The following BDKRB2 variants were observed in gnomAD, a reference collection of about 807,000 sequenced individuals.
BDKRB2 encodes the protein bradykinin receptor B2.
In BDKRB2, 6 loss-of-function variants were observed where a neutral mutation model predicts 4.0. The ratio of observed to expected loss-of-function variants is 1.49; its 90% CI spans 0.81 to 2.93. The LOEUF is 2.93. Among genes scored for constraint, BDKRB2 ranks in the 30% most tolerant of loss-of-function variants. BDKRB2 has a pLI of 0.00. For missense variants in BDKRB2, 478 were observed against 520.1 expected, an observed-to-expected ratio of 0.92 and a Z score of 0.79; for synonymous variants, 225 against 215.3, an observed-to-expected ratio of 1.05 and a Z score of -0.40.
intron 1 of BDKRB2, among the ~76,000 whole-genome samples, chr14:96,221,886 GAT>G (rs1890572506): frequency 6.6e-6 from 1 of 151,876 alleles, no homozygotes; most frequent in African/African-American, 2.4e-5. Context: ...CAATCCTTTC[GAT>G]GCCACTGTGA....
intron 2 of BDKRB2, chr14:96,237,603 G>A: frequency 8.3e-7 from 1 of 1,208,526 alleles, no homozygotes; most frequent in Non-Finnish European, 1.1e-6. Flanking sequence ...AGGGGAGGGG[G>A]AGGAGGACCT....
intron 1 of BDKRB2, among the ~76,000 whole-genome samples, chr14:96,230,035 G>A (rs1012418819): frequency 6.6e-6 from 1 of 151,864 alleles, no homozygotes; most frequent in African/African-American, 2.4e-5. Flanking sequence ...TCGGGAGGCT[G>A]AGGCAGGAGA....
intron 1 of BDKRB2, among the ~76,000 whole-genome samples, chr14:96,208,094 G>C (rs1890231225): frequency 6.6e-6 from 1 of 152,054 alleles, no homozygotes; most frequent in Non-Finnish European, 1.5e-5. Context: ...CATTTCCTTG[G>C]GGTTTGTACC....
chr14:96,230,753 A>T (rs559034784), intron 1 of BDKRB2, among the ~76,000 whole-genome samples: 2 of 151,952 alleles, frequency 1.3e-5, no homozygotes, highest in East Asian at 1.9e-4. Context: ...AGTAGCTGGG[A>T]TTATAGGCAC....
chr14:96,222,440 C>G (rs1253770501), intron 1 of BDKRB2, among the ~76,000 whole-genome samples: 1 of 152,006 alleles, frequency 6.6e-6, no homozygotes, highest in African/African-American at 2.4e-5. Context: ...CCTGGTCATT[C>G]TGATGACAGC....
In BDKRB2 at chr14:96,240,874, G is replaced by C. The variant is rs780168746; in HGVS notation, c.546G>C (p.Trp182Cys). The stretch of plus-strand genomic sequence containing the variant: ...CCAAGCTCTACAGCTTGGTGATCTG[G>C]GGGTGTACGCTGCTCCTGAGCTCAC... ...RWAKLYSLVIWGCTLLLSSPM... is the reference protein window; with the variant it reads ...RWAKLYSLVICGCTLLLSSPM... Residue 182 changes from tryptophan to cysteine, a missense_variant, in exon 3 of 3, where the codon TGG becomes TGC. Coordinates refer to ENST00000554311, the MANE Select transcript of BDKRB2 (RefSeq NM_001379692.1). The C allele has an allele frequency of 1.3e-6, 2 of 1,588,468 alleles. No individual in the cohort carries two copies. The highest frequency in any genetic ancestry group is 1.7e-6 in the Non-Finnish European group (2 of 1,168,156).
intron 1 of BDKRB2, among the ~76,000 whole-genome samples, chr14:96,216,012 G>A (rs1403616410): frequency 3.9e-5 from 6 of 152,200 alleles, no homozygotes; most frequent in African/African-American, 1.4e-4. Flanking sequence ...CCCTCTGCCA[G>A]ACACAGGCCT....
rs200290759 is a variant in BDKRB2, at chr14:96,204,977, G to A, written c.-40+18G>A. 200 of 209,430 alleles carry A rather than the reference G, an allele frequency of 9.5e-4. 2 individuals carry two copies. Among genetic ancestry groups the A allele is most frequent in the African/African-American group, 4.6e-3 (194 of 42,084 alleles). The allele number at this position is 209,430 out of a possible 1,614,324, so 13.0% of individuals were successfully genotyped here. A position where few individuals can be genotyped will look rare whatever the true frequency, so the allele number is the denominator to read the frequency against. ...CGGAGAAGGTGGGTGCCGGGCAGGG[G>A]CTGCTCCAGCCGCCTCACCTCTGCT... On this transcript the variant is annotated intron_variant, in intron 1 of 2. Coordinates refer to ENST00000554311, the MANE Select transcript of BDKRB2 (RefSeq NM_001379692.1).
intron 2 of BDKRB2, chr14:96,239,064 A>G: frequency 2.0e-6 from 2 of 985,424 alleles, no homozygotes; most frequent in Non-Finnish European, 2.4e-6. Context: ...AGAGGTGATG[A>G]TCAGTATCTC....
At chr14:96,231,273 G>T (rs1007846538) in intron 1 of BDKRB2, among the ~76,000 whole-genome samples, 4 of 152,222 alleles carry the variant, frequency 2.6e-5, no homozygotes, top group Non-Finnish European at 4.4e-5. Flanking sequence ...AATGCTGGAA[G>T]GACTTACATG....
rs774254602 is a variant in BDKRB2, at chr14:96,240,827, C to T, written c.499C>T (p.Arg167Trp). 30 of 1,556,588 alleles carry T rather than the reference C, an allele frequency of 1.9e-5. No individual in the cohort carries two copies. The East Asian group carries it at 3.4e-4, about 17-fold the overall frequency. The change falls in exon 3 of 3, where the codon CGG (arginine) becomes TGG (tryptophan). Residue 167 changes from arginine (R) to tryptophan (W), a missense_variant. By Grantham distance (101) the Arg-to-Trp change is moderately radical. Coordinates refer to ENST00000554311, the MANE Select transcript of BDKRB2 (RefSeq NM_001379692.1). ...LALVKTMSMG[R>W]MRGVRWAKLY... ...CCTGGTGAAAACCATGTCCATGGGC[C>T]GGATGCGCGGCGTGCGCTGGGCCAA...
intron 1 of BDKRB2, 67 bp from the exon 2 acceptor site, chr14:96,237,001 TG>T: frequency 1.1e-6 from 1 of 926,328 alleles, no homozygotes. Flanking sequence ...TCCTCCCTGC[TG>T]GAGAATGCGT....
rs774033399 is a variant in BDKRB2 at position 96,229,425 on chromosome 14, C to T, written c.-39-7644C>T. Among the ~76,000 whole-genome samples the T allele has an allele frequency of 1.4e-4, 22 of 152,234 alleles. No individual in the cohort carries two copies. In the East Asian group the frequency reaches 1.5e-3, roughly 11 times the overall value. On this transcript the variant is annotated intron_variant, in intron 1 of 2. Transcript: ENST00000554311. ...TCAGCCTTGGACCGAAGCTCCTGCC[C>T]GCAAGCTGAATTTCTTCTTCTTCCA...
chr14:96,240,914 C>A lies in BDKRB2; in HGVS notation c.586C>A (p.Arg196=). ...CCTGAGCTCACCCATGCTGGTGTTC[C>A]GGACCATGAAGGAGTACAGCGATGA... is the stretch of plus-strand genomic sequence containing the variant. ...LLLSSPMLVF[R]TMKEYSDEGH... The change falls in exon 3 of 3, where the codon CGG becomes AGG. Residue 196 remains arginine, a synonymous_variant. Coordinates refer to ENST00000554311, the MANE Select transcript of BDKRB2 (RefSeq NM_001379692.1). The A allele has an allele frequency of 6.3e-7, 1 of 1,597,160 alleles. No individual in the cohort carries two copies.
At chr14:96,206,552 T>G (rs1417838608) in intron 1 of BDKRB2, among the ~76,000 whole-genome samples, 1 of 151,926 alleles carries the variant, frequency 6.6e-6, no homozygotes, top group East Asian at 2.0e-4. Context: ...AATATTAGGT[T>G]GGTGCAAAAG....
chr14:96,220,551 G>A (rs1890534848), intron 1 of BDKRB2, among the ~76,000 whole-genome samples: 1 of 152,076 alleles, frequency 6.6e-6, no homozygotes, highest in Non-Finnish European at 1.5e-5. Flanking sequence ...TGGGGTCATT[G>A]GCTGAGATCC....
rs200455240 is a variant in BDKRB2, at chr14:96,241,802, G to A, written c.*298G>A. 2 of 277,106 alleles carry A rather than the reference G, an allele frequency of 7.2e-6. No individual in the cohort carries two copies. The highest frequency in any genetic ancestry group is 1.3e-5 in the Non-Finnish European group (2 of 149,678). The allele number at this position is 277,106 out of a possible 1,614,324, so 17.2% of individuals were successfully genotyped here. A position where few individuals can be genotyped will look rare whatever the true frequency, so the allele number is the denominator to read the frequency against. The stretch of plus-strand genomic sequence containing the variant: ...CTTCCCAGGAGTGGAGGAGGCCTGG[G>A]GGCAGGGAGAGGAGTGACTGAGCTT... On this transcript the variant is annotated 3_prime_UTR_variant, in exon 3 of 3. Coordinates refer to ENST00000554311, the MANE Select transcript of BDKRB2 (RefSeq NM_001379692.1).
intron 1 of BDKRB2, among the ~76,000 whole-genome samples, chr14:96,214,363 C>T (rs1890371668): frequency 6.6e-6 from 1 of 152,166 alleles, no homozygotes; most frequent in Admixed American, 6.5e-5. Context: ...ACTGTCATTC[C>T]TGAGAGAGGA....
intron 1 of BDKRB2, among the ~76,000 whole-genome samples, chr14:96,219,624 T>C (rs974977606): frequency 1.3e-5 from 2 of 151,550 alleles, no homozygotes; most frequent in African/African-American, 2.4e-5. Flanking sequence ...GCAGATGATA[T>C]AGGCATTTGC....
Sources: gnomAD v4.1 joint callset for allele counts (sites outside exome capture counted in the v4.1 genomes callset) on GRCh38, gnomAD v4.1.1 for gene constraint, MANE v1.5 for transcripts, NCBI Gene and HGNC (gene_info 2026-07-23, HGNC 2026-07-21) for gene names.